The following RPSA2 variants were observed in gnomAD, a reference collection of about 807,000 sequenced individuals.
The protein encoded by RPSA2 is ribosomal protein SA 2.
At chr19:23,857,183 C>A in the RPSA2 span, among the ~76,000 whole-genome samples, 3 of 152,158 alleles carry the variant, frequency 2.0e-5, no homozygotes, top group Non-Finnish European at 4.4e-5. Context: ...GCGATATCTG[C>A]ACTGATTTCA....
the RPSA2 span, among the ~76,000 whole-genome samples, chr19:23,854,455 C>A: frequency 4.6e-5 from 7 of 152,148 alleles, no homozygotes; most frequent in Non-Finnish European, 8.8e-5. Flanking sequence ...GTGCTGGGGG[C>A]TGCATTGGGA....
chr19:23,781,681 A>G, the RPSA2 span, among the ~76,000 whole-genome samples: 2 of 152,178 alleles, frequency 1.3e-5, no homozygotes, highest in African/African-American at 4.8e-5. Context: ...TCTCATGCAC[A>G]AATCCAGTCC....
the RPSA2 span, among the ~76,000 whole-genome samples, chr19:23,777,406 C>G: frequency 6.6e-6 from 1 of 152,310 alleles, no homozygotes; most frequent in Non-Finnish European, 1.5e-5. Context: ...TGGTATGACT[C>G]TCCACTTATG....
At chr19:23,825,272 A>G in the RPSA2 span, among the ~76,000 whole-genome samples, 1 of 152,182 alleles carries the variant, frequency 6.6e-6, no homozygotes, top group Non-Finnish European at 1.5e-5. Context: ...CCATGTTTTA[A>G]CTTTGTTTTG....
At chr19:23,784,972 C>T in the RPSA2 span, among the ~76,000 whole-genome samples, 2 of 152,190 alleles carry the variant, frequency 1.3e-5, no homozygotes, top group African/African-American at 2.4e-5. Context: ...ATATCTAGAA[C>T]GTGGACACGT....
the RPSA2 span, among the ~76,000 whole-genome samples, chr19:23,853,869 C>T: frequency 1.2e-3 from 179 of 152,202 alleles, 1 homozygote; most frequent in Non-Finnish European, 1.2e-4. Context: ...CCTACTAGTC[C>T]CATGTTAGTG....
chr19:23,836,433 G>T, the RPSA2 span, among the ~76,000 whole-genome samples: 1 of 152,042 alleles, frequency 6.6e-6, no homozygotes, highest in East Asian at 1.9e-4. Context: ...GGGCATTTTG[G>T]TTGGTTCCAG....
chr19:23,824,140 A>G, the RPSA2 span, among the ~76,000 whole-genome samples: 1 of 152,242 alleles, frequency 6.6e-6, no homozygotes, highest in Non-Finnish European at 1.5e-5. Context: ...GGTGCAAGCA[A>G]GCAGGCTCAC....
the RPSA2 span, among the ~76,000 whole-genome samples, chr19:23,860,422 C>T: frequency 6.6e-6 from 1 of 152,224 alleles, no homozygotes; most frequent in Non-Finnish European, 1.5e-5. Context: ...AAAAGCTGCA[C>T]ATGTGAGAGT....
chr19:23,759,549 A>ATAAG, the RPSA2 span, among the ~76,000 whole-genome samples: 1 of 3,890 alleles, frequency 2.6e-4, no homozygotes, highest in Admixed American at 4.1e-3. Context: ...TTTGAGACGG[A>ATAAG]GTCTCGCTCT....
the RPSA2 span, among the ~76,000 whole-genome samples, chr19:23,773,459 T>G: frequency 6.6e-6 from 1 of 151,938 alleles, no homozygotes; most frequent in Non-Finnish European, 1.5e-5. Context: ...AACTTTTGTA[T>G]TTTTAGTAGA....
At chr19:23,783,742 G>T in the RPSA2 span, among the ~76,000 whole-genome samples, 1 of 152,090 alleles carries the variant, frequency 6.6e-6, no homozygotes, top group Non-Finnish European at 1.5e-5. Context: ...CCTGGGAGAT[G>T]AAACCCTATA....
chr19:23,831,837 A>C, the RPSA2 span: 1 of 290,146 alleles, frequency 3.4e-6, no homozygotes, highest in African/African-American at 2.3e-5. Flanking sequence ...GTCCTTTATA[A>C]ATTTTTAAAT....
the RPSA2 span, among the ~76,000 whole-genome samples, chr19:23,801,852 A>C: frequency 1.3e-5 from 2 of 152,156 alleles, no homozygotes; most frequent in African/African-American, 4.8e-5. Flanking sequence ...TGGCCCCAAT[A>C]AACTGTGTAC....
chr19:23,815,044 C>T, the RPSA2 span, among the ~76,000 whole-genome samples: 1 of 152,148 alleles, frequency 6.6e-6, no homozygotes, highest in African/African-American at 2.4e-5. Context: ...TAGAGTCTCA[C>T]TATGTTGCCC....
At chr19:23,761,911 T>TCC in the RPSA2 span, among the ~76,000 whole-genome samples, 6 of 24,114 alleles carry the variant, frequency 2.5e-4, no homozygotes, top group Admixed American at 1.8e-3. Context: ...ATTCTTTCTT[T>TCC]CTTTCTTTCT....
At chr19:23,805,860 G>T in the RPSA2 span, among the ~76,000 whole-genome samples, 1 of 151,718 alleles carries the variant, frequency 6.6e-6, no homozygotes, top group Non-Finnish European at 1.5e-5. Flanking sequence ...AAAATATTTC[G>T]TTTCTATATA....
the RPSA2 span, among the ~76,000 whole-genome samples, chr19:23,867,699 G>A: frequency 3.3e-5 from 5 of 152,134 alleles, no homozygotes; most frequent in African/African-American, 7.2e-5. Context: ...GCGTGGTGGC[G>A]GGCGCCTGTA....
chr19:23,865,344 G>A, the RPSA2 span, among the ~76,000 whole-genome samples: 1 of 152,204 alleles, frequency 6.6e-6, no homozygotes, highest in Non-Finnish European at 1.5e-5. Context: ...TCTGCAGGAG[G>A]TTATTACACA....
Sources: allele counts gnomAD v4.1 joint callset (sites outside exome capture counted in the v4.1 genomes callset), GRCh38; gene constraint gnomAD v4.1.1; transcripts MANE v1.5; gene names NCBI Gene and HGNC (gene_info 2026-07-23, HGNC 2026-07-21).